Variants in DOK6 observed in about 807,000 individuals in gnomAD.
DOK6 encodes docking protein 6, also known as downstream of tyrosine kinase 6.
In DOK6, 22 loss-of-function variants were observed where a neutral mutation model predicts 44.0. The observed-to-expected ratio is 0.50, with a 90% CI of 0.36 to 0.71. The LOEUF (loss-of-function observed/expected upper bound fraction) is 0.71, where lower values mean the gene tolerates loss of function less well. DOK6 is among the 30% of genes least tolerant of loss of function. DOK6 has a pLI of 0.00. For synonymous variants in DOK6, 166 were observed against 145.5 expected, an observed-to-expected ratio of 1.14 and a Z score of -1.01; for missense variants, 340 against 416.4, an observed-to-expected ratio of 0.82 and a Z score of 1.60.
chr18:69,524,497 G>T (rs1981774437), intron 1 of DOK6, among the ~76,000 whole-genome samples: 1 of 151,918 alleles, frequency 6.6e-6, no homozygotes, highest in African/African-American at 2.4e-5. Flanking sequence ...CAGACTAGAG[G>T]AGTGTGGACA....
At chr18:69,592,113 A>T (rs1983635636) in intron 2 of DOK6, among the ~76,000 whole-genome samples, 1 of 152,046 alleles carries the variant, frequency 6.6e-6, no homozygotes, top group African/African-American at 2.4e-5. Context: ...AACACATAAT[A>T]AAAATATTTA....
intron 6 of DOK6, 29 bp from the exon 7 acceptor site, chr18:69,757,727 G>A (rs1457772842): frequency 6.3e-7 from 1 of 1,575,670 alleles, no homozygotes; most frequent in Non-Finnish European, 8.7e-7. Flanking sequence ...TTTAAAACGA[G>A]GCCTAAAACA....
At chr18:69,573,803 G>A (rs1285393068) in intron 2 of DOK6, among the ~76,000 whole-genome samples, 3 of 151,580 alleles carry the variant, frequency 2.0e-5, no homozygotes, top group South Asian at 2.1e-4. Flanking sequence ...CCCTTAGGAC[G>A]TACATCTGGT....
intron 1 of DOK6, among the ~76,000 whole-genome samples, chr18:69,534,175 G>A (rs1982057599): frequency 6.6e-6 from 1 of 152,116 alleles, no homozygotes. Context: ...CTATTAAGTG[G>A]CAGTTTTAAT....
At chr18:69,415,421 T>A (rs1978325998) in intron 1 of DOK6, among the ~76,000 whole-genome samples, 1 of 152,138 alleles carries the variant, frequency 6.6e-6, no homozygotes, top group Non-Finnish European at 1.5e-5. Flanking sequence ...GCTGTCAATT[T>A]CTGCGTATCA....
chr18:69,617,504 GAGAAAGAAAGAAA>G (rs55728201), intron 3 of DOK6, among the ~76,000 whole-genome samples: 79,486 of 133,302 alleles, frequency 0.6, 23,410 homozygotes, highest in South Asian at 0.66. Context: ...AAGAAAGAAA[GAGAAAGAAAGAAA>G]AGAAAGAAAG....
At chr18:69,512,488 C>T (rs1417960976) in intron 1 of DOK6, among the ~76,000 whole-genome samples, 3 of 151,894 alleles carry the variant, frequency 2.0e-5, no homozygotes, top group Admixed American at 6.6e-5. Flanking sequence ...GGACTACAGG[C>T]GCCCACCACC....
intron 1 of DOK6, among the ~76,000 whole-genome samples, chr18:69,506,009 A>G (rs1176201847): frequency 6.6e-6 from 1 of 151,980 alleles, no homozygotes; most frequent in Non-Finnish European, 1.5e-5. Context: ...TCAGTGTGAC[A>G]GTTCCATGAA....
chr18:69,603,506 T>TCA (rs1983920268), intron 3 of DOK6, among the ~76,000 whole-genome samples: 1 of 152,190 alleles, frequency 6.6e-6, no homozygotes, highest in South Asian at 2.1e-4. Flanking sequence ...GCGCTGTGGC[T>TCA]CACACCTGTA....
In DOK6 at chr18:69,847,175, T is replaced by G. The variant is rs2145146667; in HGVS notation, c.*5792T>G. 1.3e-5 allele frequency: 2 copies of G among 152,304 alleles called. No homozygotes were observed. The highest frequency in any genetic ancestry group is 4.8e-5 in the African/African-American group (2 of 41,566). 9.4% of individuals were successfully genotyped at this position (152,304 alleles called of 1,614,324 possible). A position where few individuals can be genotyped will look rare whatever the true frequency, so the allele number is the denominator to read the frequency against. Reference sequence around the variant, plus strand: ...CCATGCCTGCTTCCCTAGTCTGAACTCCACATTCCAGTTGTCAGAAGAATG... The same window carrying G: ...CCATGCCTGCTTCCCTAGTCTGAACGCCACATTCCAGTTGTCAGAAGAATG... On this transcript the variant is annotated 3_prime_UTR_variant, in exon 8 of 8. Coordinates refer to ENST00000382713, the MANE Select transcript of DOK6 (RefSeq NM_152721.6).
At chr18:69,739,291 G>A (rs1035717376) in intron 6 of DOK6, 188 bp downstream of exon 6, 1 of 683,590 alleles carries the variant, frequency 1.5e-6, no homozygotes, top group Non-Finnish European at 2.2e-6. Context: ...AAGTTATTGT[G>A]GCCACCAACT....
chr18:69,705,573 C>T (rs1986615543), intron 5 of DOK6, among the ~76,000 whole-genome samples: 1 of 152,108 alleles, frequency 6.6e-6, no homozygotes, highest in South Asian at 2.1e-4. Flanking sequence ...TGCTTTTTAC[C>T]TTGACATACC....
chr18:69,607,366 G>A (rs9319785), intron 3 of DOK6, among the ~76,000 whole-genome samples: 127,602 of 152,092 alleles, frequency 0.84, 54,173 homozygotes, highest in Non-Finnish European at 0.91. Context: ...TTAACTTTAA[G>A]TTTAAAAATT....
At chr18:69,448,846 T>C (rs1249471253) in intron 1 of DOK6, among the ~76,000 whole-genome samples, 1 of 152,228 alleles carries the variant, frequency 6.6e-6, no homozygotes, top group Non-Finnish European at 1.5e-5. Flanking sequence ...ATGTATATAT[T>C]TGAAAAATAT....
At chr18:69,703,649 C>T (rs1986570380) in intron 5 of DOK6, among the ~76,000 whole-genome samples, 1 of 152,182 alleles carries the variant, frequency 6.6e-6, no homozygotes, top group African/African-American at 2.4e-5. Context: ...CACCTGGATT[C>T]AGAAACCTAG....
chr18:69,656,516 G>A (rs1985371346), intron 3 of DOK6, among the ~76,000 whole-genome samples: 1 of 152,108 alleles, frequency 6.6e-6, no homozygotes, highest in Non-Finnish European at 1.5e-5. Context: ...ATAAATAATA[G>A]TAGCACTTAT....
chr18:69,512,000 G>T (rs1015292283), intron 1 of DOK6, among the ~76,000 whole-genome samples: 3 of 152,130 alleles, frequency 2.0e-5, no homozygotes, highest in African/African-American at 7.2e-5. Flanking sequence ...TTGGGCAGAT[G>T]CTTGGGTTGA....
chr18:69,446,927 G>A lies in DOK6; in HGVS notation c.66+45617G>A, dbSNP rs572098250. On this transcript the variant is annotated intron_variant, in intron 1 of 7. Coordinates refer to ENST00000382713, the MANE Select transcript of DOK6 (RefSeq NM_152721.6). Reference sequence around the variant, plus strand: ...TTGTTTGATTTTTTCTTGTAAATTTGTTTGAGTTCTTTGTAGATTCTGGAT... The same window carrying A: ...TTGTTTGATTTTTTCTTGTAAATTTATTTGAGTTCTTTGTAGATTCTGGAT... 5.3e-5 allele frequency among the ~76,000 whole-genome samples: 8 copies of A among 152,268 alleles called. No individual in the cohort carries two copies. The East Asian group carries it at 1.5e-3, about 29-fold the overall frequency.
At chr18:69,670,620 C>T (rs1985774857) in intron 3 of DOK6, among the ~76,000 whole-genome samples, 1 of 151,674 alleles carries the variant, frequency 6.6e-6, no homozygotes, top group South Asian at 2.1e-4. Flanking sequence ...AGTGATTCTC[C>T]TGCCTCAGCC....
Sources: allele counts gnomAD v4.1 joint callset (sites outside exome capture counted in the v4.1 genomes callset), GRCh38; gene constraint gnomAD v4.1.1; transcripts MANE v1.5; gene names NCBI Gene and HGNC (gene_info 2026-07-23, HGNC 2026-07-21).